The following ZEB1 variants were observed in gnomAD, a reference collection of about 807,000 sequenced individuals.
ZEB1 encodes the protein zinc finger E-box binding homeobox 1.
ZEB1 carries 21 observed loss-of-function variants against 84.9 expected under a neutral mutation model. That is an observed-to-expected ratio of 0.25 (90% CI 0.18 to 0.36). The LOEUF is 0.36. Among genes scored for constraint, ZEB1 ranks in the 10% least tolerant of loss-of-function variants. The pLI, the probability that ZEB1 is intolerant of heterozygous loss-of-function variation, is 1.00. For synonymous variants in ZEB1, 420 were observed against 471.1 expected (o/e 0.89, Z 1.41); for missense variants, 1,104 against 1,330.2 (o/e 0.83, Z 2.65).
At chr10:31,484,938 T>G (rs2065526426) in intron 2 of ZEB1, among the ~76,000 whole-genome samples, 1 of 151,964 alleles carries the variant, frequency 6.6e-6, no homozygotes, top group African/African-American at 2.4e-5. Flanking sequence ...TTTGCAATGA[T>G]GTTGTAATTC....
At chr10:31,362,941 T>C in intron 1 of ZEB1, 1 of 1,533,220 alleles carries the variant, frequency 6.5e-7, no homozygotes, top group Non-Finnish European at 8.7e-7. Context: ...TCCTTCTCTT[T>C]GGGAAGCCTG....
chr10:31,474,009 G>A (rs147504587), intron 2 of ZEB1, among the ~76,000 whole-genome samples: 2,309 of 152,282 alleles, frequency 0.015, 35 homozygotes, highest in Non-Finnish European at 0.021. Context: ...CTAGCCATAT[G>A]TACAAAGCTG....
rs1157418859 is a variant in ZEB1 at position 31,529,741 on chromosome 10, A to G, written c.*2477A>G. 6.6e-6 allele frequency: 1 copy of G among 152,166 alleles called. No homozygotes were observed. Among genetic ancestry groups the G allele is most frequent in the East Asian group, 1.9e-4 (1 of 5,204 alleles). 9.4% of individuals were successfully genotyped at this position (152,166 alleles called of 1,614,324 possible). A position where few individuals can be genotyped will look rare whatever the true frequency, so the allele number is the denominator to read the frequency against. Reference sequence around the variant, plus strand: ...TGTTAAATGATCTAATAATTTGATTATTTTCTTATAAGTCTTATTAAACAC... The same window carrying G: ...TGTTAAATGATCTAATAATTTGATTGTTTTCTTATAAGTCTTATTAAACAC... On this transcript the variant is annotated 3_prime_UTR_variant, in exon 9 of 9. Transcript: ENST00000424869.
chr10:31,429,559 A>G (rs1249551900), intron 1 of ZEB1, among the ~76,000 whole-genome samples: 2 of 152,036 alleles, frequency 1.3e-5, no homozygotes, highest in African/African-American at 2.4e-5. Context: ...GGAGAGGATC[A>G]GAAGAAATAA....
chr10:31,420,613 T>C (rs1312143755), intron 1 of ZEB1, among the ~76,000 whole-genome samples: 1 of 152,170 alleles, frequency 6.6e-6, no homozygotes, highest in Admixed American at 6.5e-5. Flanking sequence ...AATAGCTGTT[T>C]GGGTACCTTA....
intron 1 of ZEB1, among the ~76,000 whole-genome samples, chr10:31,388,123 G>A (rs2048971192): frequency 6.6e-6 from 1 of 152,138 alleles, no homozygotes; most frequent in Non-Finnish European, 1.5e-5. Flanking sequence ...GCAGAAGCAT[G>A]CTGATTTCGA....
chr10:31,380,005 CTG>C (rs1197668279), intron 1 of ZEB1, among the ~76,000 whole-genome samples: 1 of 152,170 alleles, frequency 6.6e-6, no homozygotes, highest in African/African-American at 2.4e-5. Flanking sequence ...CATATTCTCT[CTG>C]TATTCAGTTT....
At chr10:31,504,052 A>T (rs2068542388) in intron 4 of ZEB1, among the ~76,000 whole-genome samples, 1 of 151,690 alleles carries the variant, frequency 6.6e-6, no homozygotes, top group African/African-American at 2.4e-5. Flanking sequence ...AAATGTCCTG[A>T]GTGTTTTCTG....
chr10:31,502,479 A>T lies in ZEB1; in HGVS notation c.454A>T (p.Thr152Ser), dbSNP rs202218576. The change falls in exon 4 of 9, where the codon ACA becomes TCA. Residue 152 changes from threonine to serine, a missense_variant. Physicochemically the swap from Thr to Ser is moderately conservative, Grantham distance 58 (BLOSUM62 1). This residue lies in a region of ZEB1 where 162 missense variants were observed against 184.5 expected (regional missense o/e 0.88). Transcript: ENST00000424869. Reference protein sequence around the residue: ...EAPEEDQRQGTPEASGHDENG... With the variant: ...EAPEEDQRQGSPEASGHDENG... ...ACCTGAAGAGGACCAGAGGCAGGGC[A>T]CACCAGAAGCCAGTGGTCATGATGA... 1 of 1,613,932 alleles carries T rather than the reference A, an allele frequency of 6.2e-7. No homozygotes were observed. Among genetic ancestry groups the T allele is most frequent in the Admixed American group, 1.7e-5 (1 of 60,016 alleles).
intron 1 of ZEB1, among the ~76,000 whole-genome samples, chr10:31,440,299 C>A (rs573716261): frequency 2.0e-4 from 30 of 152,212 alleles, no homozygotes; most frequent in African/African-American, 7.0e-4. Context: ...TCACCAAAGA[C>A]AAAAGCCACA....
intron 1 of ZEB1, among the ~76,000 whole-genome samples, chr10:31,459,181 A>G (rs2061554703): frequency 6.6e-6 from 1 of 152,130 alleles, no homozygotes; most frequent in African/African-American, 2.4e-5. Context: ...AACATTGTAA[A>G]TCAAGCCATA....
chr10:31,408,987 A>T (rs1198622718), intron 1 of ZEB1, among the ~76,000 whole-genome samples: 1 of 151,582 alleles, frequency 6.6e-6, no homozygotes, highest in Non-Finnish European at 1.5e-5. Context: ...AATTTTTGCA[A>T]CCTACTCATC....
intron 1 of ZEB1, chr10:31,319,626 G>A: frequency 3.0e-6 from 1 of 332,608 alleles, no homozygotes. Context: ...GGACGCACTG[G>A]CCACTTTTCT....
At chr10:31,438,315 A>G (rs1014008480) in intron 1 of ZEB1, among the ~76,000 whole-genome samples, 1 of 152,246 alleles carries the variant, frequency 6.6e-6, no homozygotes, top group Non-Finnish European at 1.5e-5. Flanking sequence ...ATAGACTACT[A>G]TCTTTCAAAA....
intron 1 of ZEB1, chr10:31,363,004 C>T (rs1000773846): frequency 1.4e-5 from 22 of 1,533,882 alleles, no homozygotes; most frequent in African/African-American, 6.9e-5. Flanking sequence ...CGGTGGGGGC[C>T]GCTCGTCTCT....
At chr10:31,518,752 C>T (rs1183175152) in intron 6 of ZEB1, among the ~76,000 whole-genome samples, 1 of 151,950 alleles carries the variant, frequency 6.6e-6, no homozygotes, top group Non-Finnish European at 1.5e-5. Context: ...TCCTAACTCC[C>T]CTTTTATTAA....
At chr10:31,329,134 A>G (rs11818533) in intron 1 of ZEB1, among the ~76,000 whole-genome samples, 7,170 of 152,192 alleles carry the variant, frequency 0.047, 553 homozygotes, top group African/African-American at 0.16. Flanking sequence ...TCAAGATGTA[A>G]TAGAACATTA....
At chr10:31,441,609 A>T (rs1329553717) in intron 1 of ZEB1, among the ~76,000 whole-genome samples, 2 of 152,198 alleles carry the variant, frequency 1.3e-5, no homozygotes, top group Non-Finnish European at 2.9e-5. Flanking sequence ...CTACCATCAG[A>T]GTGAACAGGC....
chr10:31,407,465 T>G (rs895469671), intron 1 of ZEB1, among the ~76,000 whole-genome samples: 1 of 152,026 alleles, frequency 6.6e-6, no homozygotes, highest in African/African-American at 2.4e-5. Flanking sequence ...ATGGTGTATA[T>G]GTGCCACATT....
Sources: gnomAD v4.1 joint callset for allele counts (sites outside exome capture counted in the v4.1 genomes callset) on GRCh38, gnomAD v4.1.1 for gene constraint, gnomAD v4.1.1 regional missense constraint, MANE v1.5 for transcripts, NCBI Gene and HGNC (gene_info 2026-07-23, HGNC 2026-07-21) for gene names.